GABRD: variants seen among roughly 807,000 people sequenced by gnomAD.
The protein encoded by GABRD is gamma-aminobutyric acid type A receptor subunit delta, also known as gamma-aminobutyric acid receptor subunit delta.
A neutral mutation model predicts 47.3 loss-of-function variants in GABRD; 25 were observed. The ratio of observed to expected loss-of-function variants is 0.53; its 90% CI spans 0.39 to 0.74. The LOEUF is 0.74. Among genes scored for constraint, GABRD ranks in the 30% least tolerant of loss-of-function variants. GABRD has a pLI of 0.00. For missense variants in GABRD, 497 were observed against 643.4 expected (o/e 0.77, Z 2.46); for synonymous variants, 314 against 278.8 (o/e 1.13, Z -1.26).
intron 1 of GABRD, chr1:2,024,317 C>T (rs1658861966): frequency 6.6e-6 from 1 of 152,432 alleles, no homozygotes; most frequent in South Asian, 2.1e-4. Flanking sequence ...GCCCTGCTGT[C>T]TACCCCGAGC....
intron 1 of GABRD, among the ~76,000 whole-genome samples, chr1:2,022,876 G>T (rs924705852): frequency 6.6e-6 from 1 of 152,176 alleles, no homozygotes; most frequent in Non-Finnish European, 1.5e-5. Flanking sequence ...GATTGGGGTT[G>T]GCAGAATCTG....
intron 4 of GABRD, 98 bp downstream of exon 4, chr1:2,025,836 T>G: frequency 2.7e-6 from 3 of 1,105,604 alleles, no homozygotes; most frequent in Non-Finnish European, 3.9e-6. Context: ...GAGCGGCTTC[T>G]GCTGCCGGGA....
rs1368484389 is a variant in GABRD at position 2,028,168 on chromosome 1, G to C, written c.567G>C (p.Ser189=). 6.2e-7 allele frequency: 1 copy of C among 1,611,394 alleles called. No homozygotes were observed. Among genetic ancestry groups the C allele is most frequent in the Non-Finnish European group, 8.5e-7 (1 of 1,178,972 alleles). The part of the protein sequence containing the change: ...MLDLESYGYS[S]EDIVYYWSES... ...CTTTTCCTCCAGACGGTTACTCATCGGAGGACATCGTCTACTACTGGTCGG... is the reference window on the plus strand; with the variant it reads ...CTTTTCCTCCAGACGGTTACTCATCCGAGGACATCGTCTACTACTGGTCGG... The change falls in exon 6 of 9, where the codon TCG becomes TCC. Residue 189 remains serine, a synonymous_variant. Transcript: ENST00000378585. The surrounding 1 kb of genome is among the most constrained non-coding windows in gnomAD (Gnocchi z 6.4).
rs200240660 is a variant in GABRD, at chr1:2,029,959, T to A, written c.1060-24T>A. ...AGCTGCACCCCAGTGCTCAGCCCTG[T>A]CTCCCCCACCGGCCTTCGTGCAGAT... On this transcript the variant is annotated intron_variant, in intron 8 of 8. Transcript: ENST00000378585. The A allele has an allele frequency of 6.2e-6, 10 of 1,610,996 alleles. No individual in the cohort carries two copies. In the East Asian group the frequency reaches 2.0e-4, roughly 32 times the overall value.
At position 2,030,158 on chromosome 1, in the gene GABRD, AG is replaced by A; in HGVS notation, c.1241del (p.Gly414AlafsTer95). 3.8e-6 allele frequency: 6 copies of A among 1,575,936 alleles called. No homozygotes were observed. Among genetic ancestry groups the A allele is most frequent in the Non-Finnish European group, 5.2e-6 (6 of 1,159,626 alleles). On this transcript the variant is annotated frameshift_variant, in exon 9 of 9. Transcript: ENST00000378585. LOFTEE classifies it high-confidence loss of function. ...GAGGGGGCAGCCCGCTCAGGAGGCC[AG>A]GGGGGCATCCGTGCCCGGCTCAGGC... ...KKEGAARSGG[Q>X]GGIRARLRPI...
In GABRD at chr1:2,030,019, TC is replaced by T; in HGVS notation, c.1097del (p.Ser366LeufsTer22). 6.2e-7 allele frequency: 1 copy of T among 1,612,710 alleles called. No individual in the cohort carries two copies. The highest frequency in any genetic ancestry group is 8.5e-7 in the Non-Finnish European group (1 of 1,179,896). On this transcript the variant is annotated frameshift_variant, in exon 9 of 9. Coordinates refer to ENST00000378585, the MANE Select transcript of GABRD (RefSeq NM_000815.5). LOFTEE classifies it high-confidence loss of function. ...GAACGCCATTGTCCTCTTCTCCCTC[TC>T]TGCTGCCGGCGTCACGCAGGAGCTG... ...VRNAIVLFSL[S>X]AAGVTQELAI...
intron 1 of GABRD, among the ~76,000 whole-genome samples, chr1:2,021,690 C>G (rs949688381): frequency 6.6e-6 from 1 of 152,208 alleles, no homozygotes; most frequent in Non-Finnish European, 1.5e-5. Flanking sequence ...GCACCTCCGT[C>G]TCCCTGGAGA....
chr1:2,019,531 G>T, intron 1 of GABRD, 40 bp downstream of exon 1: 1 of 1,086,174 alleles, frequency 9.2e-7, no homozygotes. Flanking sequence ...GTCGGGGGCG[G>T]TGGGGGGCCC....
Position 2,025,527 on chromosome 1 carries a change from A to G in GABRD, c.259A>G (p.Met87Val), listed in dbSNP as rs1399325636. The G allele has an allele frequency of 6.2e-7, 1 of 1,612,942 alleles. No individual in the cohort carries two copies. The highest frequency in any genetic ancestry group is 8.5e-7 in the Non-Finnish European group (1 of 1,179,894). Residue 87 changes from methionine to valine, a missense_variant, in exon 4 of 9, where the codon ATG (methionine) becomes GTG (valine). Transcript: ENST00000378585. Reference protein sequence around the residue: ...HISEANMEYTMTVFLHQSWRD... With the variant: ...HISEANMEYTVTVFLHQSWRD... Reference sequence around the variant, plus strand: ...TGTGCCACCTCCACAGGAGTACACCATGACGGTGTTCCTGCACCAGAGCTG... The same window carrying G: ...TGTGCCACCTCCACAGGAGTACACCGTGACGGTGTTCCTGCACCAGAGCTG...
chr1:2,025,074 C>A lies in GABRD; in HGVS notation c.181+20C>A. On this transcript the variant is annotated intron_variant, in intron 2 of 8. Coordinates refer to ENST00000378585, the MANE Select transcript of GABRD (RefSeq NM_000815.5). ...TCGGAGGTGAGGGGCGGTCCAGGCC[C>A]GGCAGGCAGGAGCCGCTGGAGCCCA... The A allele has an allele frequency of 6.3e-7, 1 of 1,592,778 alleles. No homozygotes were observed. The highest frequency in any genetic ancestry group is 8.6e-7 in the Non-Finnish European group (1 of 1,164,782).
At chr1:2,021,583 C>CGTGTGT in intron 1 of GABRD, among the ~76,000 whole-genome samples, 1 of 152,284 alleles carries the variant, frequency 6.6e-6, no homozygotes, top group East Asian at 1.9e-4. Flanking sequence ...TGCTGCGTGG[C>CGTGTGT]GGCCGTGGGT....
chr1:2,025,868 G>A, intron 4 of GABRD, 130 bp downstream of exon 4: 3 of 730,470 alleles, frequency 4.1e-6, no homozygotes, highest in Non-Finnish European at 2.3e-6. Context: ...GGCGGAGGGG[G>A]GGGCAGAAGC....
intron 8 of GABRD, 80 bp from the exon 9 acceptor site, chr1:2,029,903 C>T (rs1659036306): frequency 6.4e-7 from 1 of 1,571,530 alleles, no homozygotes; most frequent in Non-Finnish European, 8.7e-7. Context: ...GGGGCCCCCG[C>T]ATGGGAACAC....
chr1:2,029,657 T>C lies in GABRD; in HGVS notation c.954T>C (p.Tyr318=). ...KALDVYFWIC[Y]VFVFAALVEY... ...TGGACGTCTACTTCTGGATCTGCTATGTCTTCGTGTTTGCCGCCCTGGTGG... is the reference window on the plus strand; with the variant it reads ...TGGACGTCTACTTCTGGATCTGCTACGTCTTCGTGTTTGCCGCCCTGGTGG... The change falls in exon 8 of 9, where the codon TAT becomes TAC. Residue 318 remains tyrosine, a synonymous_variant. Transcript: ENST00000378585. The C allele has an allele frequency of 6.2e-7, 1 of 1,613,586 alleles. No homozygotes were observed. The highest frequency in any genetic ancestry group is 8.5e-7 in the Non-Finnish European group (1 of 1,180,014).
intron 7 of GABRD, 63 bp from the exon 8 acceptor site, chr1:2,029,488 C>G: frequency 1.9e-6 from 3 of 1,595,564 alleles, no homozygotes; most frequent in Non-Finnish European, 1.7e-6. Context: ...TCACAGGCAT[C>G]AAGGCTGGGA....
rs538535957 is a variant in GABRD at position 2,028,157 on chromosome 1, G to T, written c.556G>T (p.Gly186Cys). 6.2e-7 allele frequency: 1 copy of T among 1,609,074 alleles called. No homozygotes were observed. The highest frequency in any genetic ancestry group is 8.5e-7 in the Non-Finnish European group (1 of 1,177,258). Residue 186 changes from glycine (G) to cysteine (C), a missense_variant and splice_region_variant, in exon 6 of 9, where the codon GGT becomes TGT. Physicochemically the swap from Gly to Cys is radical, Grantham distance 159 (BLOSUM62 -3). This residue lies in a region of GABRD where 285 missense variants were observed against 436.6 expected (regional missense o/e 0.65). Coordinates refer to ENST00000378585, the MANE Select transcript of GABRD (RefSeq NM_000815.5). The surrounding 1 kb of genome is among the most constrained non-coding windows in gnomAD (Gnocchi z 6.4). ...QECMLDLESY[G>C]YSSEDIVYYW... ...CCACCTGTGTGCTTTTCCTCCAGAC[G>T]GTTACTCATCGGAGGACATCGTCTA...
chr1:2,025,803 C>T (rs989550711), intron 4 of GABRD, 65 bp downstream of exon 4: 58 of 1,452,648 alleles, frequency 4.0e-5, no homozygotes, highest in East Asian at 1.6e-4. Flanking sequence ...GGCGCCTGGA[C>T]GCTCCAAGGC....
chr1:2,028,148 C>T lies in GABRD; in HGVS notation c.554-7C>T, dbSNP rs773941254. ...CTCTGCCGCCCACCTGTGTGCTTTT[C>T]CTCCAGACGGTTACTCATCGGAGGA... On this transcript the variant is annotated splice_polypyrimidine_tract_variant and splice_region_variant and intron_variant, in intron 5 of 8. Coordinates refer to ENST00000378585, the MANE Select transcript of GABRD (RefSeq NM_000815.5). The surrounding 1 kb of genome is among the most constrained non-coding windows in gnomAD (Gnocchi z 6.4). 1.2e-6 allele frequency: 2 copies of T among 1,606,086 alleles called. No individual in the cohort carries two copies. Among genetic ancestry groups the T allele is most frequent in the South Asian group, 1.1e-5 (1 of 90,826 alleles).
chr1:2,021,522 C>G (rs1444800129), intron 1 of GABRD, among the ~76,000 whole-genome samples: 3 of 152,224 alleles, frequency 2.0e-5, no homozygotes, highest in Non-Finnish European at 1.5e-5. Context: ...CCCCAGGTCC[C>G]CATTGCAGCA....
Sources: gnomAD v4.1 joint callset for allele counts (sites outside exome capture counted in the v4.1 genomes callset) on GRCh38, gnomAD v4.1.1 for gene constraint, gnomAD v4.1.1 regional missense constraint, Gnocchi (gnomAD v3.1) non-coding constraint, MANE v1.5 for transcripts, NCBI Gene and HGNC (gene_info 2026-07-23, HGNC 2026-07-21) for gene names.